SLC30A8: variants seen among roughly 807,000 people sequenced by gnomAD.
The protein encoded by SLC30A8 is solute carrier family 30 member 8, also known as proton-coupled zinc antiporter SLC30A8.
In SLC30A8, 27 loss-of-function variants were observed where a neutral mutation model predicts 36.9. The ratio of observed to expected loss-of-function variants is 0.73; its 90% CI spans 0.54 to 1.01. The LOEUF (loss-of-function observed/expected upper bound fraction) is 1.01. SLC30A8 is among the 50% of genes least tolerant of loss of function. The probability of loss-of-function intolerance (pLI) is 0.00; values close to 1 mark genes in which losing one functional copy is unlikely to be tolerated. For synonymous variants in SLC30A8, 164 were observed against 172.4 expected (o/e 0.95, Z 0.38); for missense variants, 439 against 452.0 (o/e 0.97, Z 0.26).
chr8:117,048,325 G>A (rs1817614015), intron 2 of SLC30A8, among the ~76,000 whole-genome samples: 2 of 152,186 alleles, frequency 1.3e-5, no homozygotes, highest in Admixed American at 6.5e-5. Flanking sequence ...GGAGATCAGT[G>A]ACCCAATGAC....
intron 2 of SLC30A8, among the ~76,000 whole-genome samples, chr8:117,125,042 T>C (rs1471188452): frequency 6.6e-6 from 1 of 152,062 alleles, no homozygotes; most frequent in Non-Finnish European, 1.5e-5. Flanking sequence ...AACATCAGAA[T>C]TTCTTTTTAG....
intron 2 of SLC30A8, among the ~76,000 whole-genome samples, chr8:117,057,963 C>T (rs955835025): frequency 2.0e-5 from 3 of 152,074 alleles, no homozygotes; most frequent in African/African-American, 4.8e-5. Flanking sequence ...GAGGAAATTC[C>T]ATACTGTTTT....
intron 2 of SLC30A8, among the ~76,000 whole-genome samples, chr8:117,107,144 A>G (rs974635335): frequency 6.6e-6 from 1 of 152,268 alleles, no homozygotes; most frequent in Non-Finnish European, 1.5e-5. Context: ...ACTGTGTAAA[A>G]TAAATGCATT....
chr8:116,998,501 A>G (rs1412180760), intron 1 of SLC30A8, among the ~76,000 whole-genome samples: 1 of 152,202 alleles, frequency 6.6e-6, no homozygotes, highest in Admixed American at 6.5e-5. Context: ...ATTCTCTTCA[A>G]TTTCATCTAA....
chr8:117,007,440 C>T (rs1281097789), intron 1 of SLC30A8, among the ~76,000 whole-genome samples: 1 of 152,112 alleles, frequency 6.6e-6, no homozygotes, highest in East Asian at 1.9e-4. Context: ...AATTGGAAAA[C>T]TGCCCTTTAG....
intron 2 of SLC30A8, among the ~76,000 whole-genome samples, chr8:117,049,050 TATC>T (rs1490853176): frequency 1.3e-5 from 2 of 152,224 alleles, no homozygotes; most frequent in East Asian, 3.8e-4. Context: ...AGATTTCTAG[TATC>T]ATACAGGGTA....
intron 1 of SLC30A8, among the ~76,000 whole-genome samples, chr8:117,138,060 C>CAAAAA (rs60065374): frequency 2.3e-3 from 112 of 49,548 alleles, no homozygotes; most frequent in East Asian, 8.8e-3. Context: ...TTCATTGTAG[C>CAAAAA]AAAAAAAAAA....
intron 1 of SLC30A8, among the ~76,000 whole-genome samples, chr8:117,034,869 G>C (rs1234908393): frequency 2.6e-5 from 4 of 152,126 alleles, no homozygotes; most frequent in Admixed American, 6.6e-5. Context: ...GAGAGACAGA[G>C]AAAGAAACAG....
At chr8:117,133,537 T>C (rs2130928532), upstream of SLC30A8, among the ~76,000 whole-genome samples, 1 of 152,140 alleles carries the variant, frequency 6.6e-6, no homozygotes, top group South Asian at 2.1e-4. Flanking sequence ...CCTTCCTGAT[T>C]TGAAAATATT....
At chr8:117,099,633 G>A (rs572487551) in intron 2 of SLC30A8, among the ~76,000 whole-genome samples, 1 of 152,122 alleles carries the variant, frequency 6.6e-6, no homozygotes, top group African/African-American at 2.4e-5. Context: ...ATAGACAGGG[G>A]CCTGTAGGAG....
Position 117,060,055 on chromosome 8 carries a change from A to G in SLC30A8, c.-226+20797A>G, listed in dbSNP as rs1321808940. Among the ~76,000 whole-genome samples the G allele has an allele frequency of 2.0e-5, 3 of 152,194 alleles. No homozygotes were observed. In the East Asian group the frequency reaches 5.8e-4, roughly 29 times the overall value. On this transcript the variant is annotated intron_variant, in intron 2 of 10. Transcript: ENST00000427715. ...TTGAGCTCAAGATGCCATTAATGGAAGCAGGGAAGTTAAGGGGAGGAGCTG... is the reference window on the plus strand; with the variant it reads ...TTGAGCTCAAGATGCCATTAATGGAGGCAGGGAAGTTAAGGGGAGGAGCTG...
intron 1 of SLC30A8, among the ~76,000 whole-genome samples, chr8:117,143,968 G>T (rs1821781902): frequency 6.6e-6 from 1 of 151,954 alleles, no homozygotes; most frequent in African/African-American, 2.4e-5. Flanking sequence ...TATCTCTCCT[G>T]GTCACTGACT....
At chr8:116,976,863 C>G (rs1288720600) in intron 1 of SLC30A8, among the ~76,000 whole-genome samples, 1 of 136,974 alleles carries the variant, frequency 7.3e-6, no homozygotes, top group Non-Finnish European at 1.5e-5. Flanking sequence ...TGTTGCCAGG[C>G]TGGAGTGCAG....
intron 2 of SLC30A8, among the ~76,000 whole-genome samples, chr8:117,096,139 T>C (rs1457426547): frequency 6.6e-6 from 1 of 152,200 alleles, no homozygotes; most frequent in African/African-American, 2.4e-5. Flanking sequence ...ATAGTCTCTC[T>C]GAGGCACTGA....
Position 117,153,008 on chromosome 8 carries a change from C to G in SLC30A8, c.336C>G (p.Thr112=), listed in dbSNP as rs150068521. Residue 112 remains threonine, a synonymous_variant, in exon 3 of 8, where the codon ACC becomes ACG. Transcript: ENST00000456015. ...TDAAHLLIDL[T]SFLLSLFSLW... is the part of the protein sequence containing the mutation. Reference sequence around the variant, plus strand: ...CTGCCCACCTCTTAATTGACCTGACCAGTTTCCTGCTCAGTCTCTTCTCCC... The same window carrying G: ...CTGCCCACCTCTTAATTGACCTGACGAGTTTCCTGCTCAGTCTCTTCTCCC... The G allele has an allele frequency of 3.2e-5, 52 of 1,613,504 alleles. No individual in the cohort carries two copies. The highest frequency in any genetic ancestry group is 1.3e-4 in the Admixed American group (8 of 59,984).
At chr8:116,956,580 AAC>A (rs927135351) in intron 1 of SLC30A8, among the ~76,000 whole-genome samples, 39 of 152,308 alleles carry the variant, frequency 2.6e-4, no homozygotes, top group African/African-American at 9.4e-4. Flanking sequence ...ATGTTAAAAA[AAC>A]AGTGTATATC....
chr8:117,016,846 G>A (rs1424948640), intron 1 of SLC30A8, among the ~76,000 whole-genome samples: 1 of 152,076 alleles, frequency 6.6e-6, no homozygotes. Flanking sequence ...CCATTGTTAT[G>A]ATGATACTGC....
At chr8:117,103,069 T>C (rs150434844) in intron 2 of SLC30A8, among the ~76,000 whole-genome samples, 155 of 152,158 alleles carry the variant, frequency 1.0e-3, no homozygotes, top group South Asian at 2.7e-3. Context: ...ACTTGAAAAG[T>C]TCAAAATCTC....
At chr8:117,162,240 A>G (rs1029508518) in intron 5 of SLC30A8, among the ~76,000 whole-genome samples, 20 of 152,228 alleles carry the variant, frequency 1.3e-4, no homozygotes, top group African/African-American at 4.8e-4. Flanking sequence ...CTTCTGTCCC[A>G]GACACCACAC....
Sources: allele counts gnomAD v4.1 joint callset (sites outside exome capture counted in the v4.1 genomes callset), GRCh38; gene constraint gnomAD v4.1.1; transcripts MANE v1.5; gene names NCBI Gene and HGNC (gene_info 2026-07-23, HGNC 2026-07-21).